ERBB4: variants seen among roughly 807,000 people sequenced by gnomAD.
ERBB4 encodes receptor tyrosine-protein kinase erbB-4.
In ERBB4, 42 loss-of-function variants were observed where a neutral mutation model predicts 158.0. That is an observed-to-expected ratio of 0.27 (90% CI 0.21 to 0.34). ERBB4 has a LOEUF of 0.34. ERBB4 is among the 10% of genes least tolerant of loss of function. ERBB4 has a pLI of 1.00. For synonymous variants in ERBB4, 583 were observed against 558.7 expected, an observed-to-expected ratio of 1.04 and a Z score of -0.61; for missense variants, 1,333 against 1,624.1, an observed-to-expected ratio of 0.82 and a Z score of 3.08.
chr2:212,106,388 G>A (rs186026576), intron 2 of ERBB4, among the ~76,000 whole-genome samples: 5 of 152,296 alleles, frequency 3.3e-5, no homozygotes, highest in Non-Finnish European at 5.9e-5. Context: ...AGAGATTCGT[G>A]GAACTTTGAA....
intron 1 of ERBB4, among the ~76,000 whole-genome samples, chr2:212,288,302 A>G (rs990133628): frequency 6.6e-6 from 1 of 152,136 alleles, no homozygotes; most frequent in African/African-American, 2.4e-5. Flanking sequence ...CAATGGCAAA[A>G]GGAGAATAGG....
In ERBB4 at chr2:212,538,611, C is replaced by A; in HGVS notation, c.-81G>T. 7.0e-7 allele frequency: 1 copy of A among 1,433,446 alleles called. No homozygotes were observed. Among genetic ancestry groups the A allele is most frequent in the South Asian group, 1.1e-5 (1 of 87,278 alleles). 88.8% of individuals were successfully genotyped at this position (1,433,446 alleles called of 1,614,324 possible). On this transcript the variant is annotated 5_prime_UTR_variant, in exon 1 of 28. Coordinates refer to ENST00000342788, the MANE Select transcript of ERBB4 (RefSeq NM_005235.3). ...CCTTTCGGGCACGCGGAGGAGATCC[C>A]CCAGCCGGGCGCGCGTGGGGGTGCG... is the stretch of plus-strand genomic sequence containing the variant.
intron 17 of ERBB4, among the ~76,000 whole-genome samples, chr2:211,630,167 A>G (rs2070049598): frequency 6.6e-6 from 1 of 152,194 alleles, no homozygotes; most frequent in African/African-American, 2.4e-5. Context: ...TGCTATTGAG[A>G]TATCCTCTAT....
chr2:212,421,635 C>A (rs1358402335), intron 1 of ERBB4, among the ~76,000 whole-genome samples: 1 of 152,036 alleles, frequency 6.6e-6, no homozygotes. Context: ...TAGTGTTTTT[C>A]AAAAATGTCT....
intron 15 of ERBB4, among the ~76,000 whole-genome samples, chr2:211,661,694 A>G (rs1182803371): frequency 2.0e-5 from 3 of 152,166 alleles, no homozygotes; most frequent in Non-Finnish European, 4.4e-5. Context: ...CTCTTGATGT[A>G]TAAAAATTAT....
intron 2 of ERBB4, among the ~76,000 whole-genome samples, chr2:211,972,369 C>T (rs541342961): frequency 5.9e-5 from 9 of 152,324 alleles, no homozygotes; most frequent in African/African-American, 2.2e-4. Context: ...TATTCAACTA[C>T]CATTGACATT....
chr2:212,058,237 C>T (rs1260468307), intron 2 of ERBB4, among the ~76,000 whole-genome samples: 2 of 152,226 alleles, frequency 1.3e-5, no homozygotes, highest in South Asian at 2.1e-4. Flanking sequence ...AAGACTAAAC[C>T]AGGAAGAAGT....
intron 4 of ERBB4, among the ~76,000 whole-genome samples, chr2:211,765,209 T>C (rs1487196829): frequency 1.3e-5 from 2 of 152,108 alleles, no homozygotes; most frequent in South Asian, 4.1e-4. Context: ...TTCAAACTCA[T>C]GTAGAAACAC....
chr2:212,177,072 T>C (rs2081689292), intron 1 of ERBB4, among the ~76,000 whole-genome samples: 1 of 151,902 alleles, frequency 6.6e-6, no homozygotes, highest in African/African-American at 2.4e-5. Context: ...CCCATAAGTA[T>C]TGTGATTAAT....
intron 1 of ERBB4, among the ~76,000 whole-genome samples, chr2:212,366,993 G>C (rs1013986352): frequency 1.3e-5 from 2 of 151,880 alleles, no homozygotes; most frequent in Admixed American, 1.3e-4. Flanking sequence ...GGCTTTTCAG[G>C]AAGGTTAAAC....
rs182055702 is a variant in ERBB4 at position 211,950,843 on chromosome 2, C to T, written c.235-3227G>A. Among the ~76,000 whole-genome samples, 368 of 152,162 alleles carry T rather than the reference C, an allele frequency of 2.4e-3. 1 individual carries two copies. The highest frequency in any genetic ancestry group is 8.1e-3 in the African/African-American group (338 of 41,524). On this transcript the variant is annotated intron_variant, in intron 2 of 27. Transcript: ENST00000342788. The stretch of plus-strand genomic sequence containing the variant: ...CAGCAATTTGTTTAAAATTGCACCG[C>T]GTGGAAAAGTCTAGCTCTAGGGCTC...
At chr2:212,428,326 T>C (rs954841357) in intron 1 of ERBB4, among the ~76,000 whole-genome samples, 4 of 152,188 alleles carry the variant, frequency 2.6e-5, no homozygotes, top group African/African-American at 2.4e-5. Context: ...GTAAATATTA[T>C]GTTTTTCTTT....
At chr2:211,783,799 T>G (rs1057250801) in intron 4 of ERBB4, among the ~76,000 whole-genome samples, 3 of 152,226 alleles carry the variant, frequency 2.0e-5, no homozygotes, top group Non-Finnish European at 4.4e-5. Flanking sequence ...TTTGCATCAA[T>G]GTTCACCAGG....
At chr2:211,976,916 G>C (rs2081624859) in intron 2 of ERBB4, among the ~76,000 whole-genome samples, 1 of 152,162 alleles carries the variant, frequency 6.6e-6, no homozygotes, top group South Asian at 2.1e-4. Flanking sequence ...GTTTCTATCT[G>C]TGTGATCTTA....
At chr2:212,209,478 G>A (rs2082866607) in intron 1 of ERBB4, among the ~76,000 whole-genome samples, 1 of 152,042 alleles carries the variant, frequency 6.6e-6, no homozygotes, top group South Asian at 2.1e-4. Flanking sequence ...TCCACAGTGG[G>A]TACATTTTGC....
intron 20 of ERBB4, among the ~76,000 whole-genome samples, chr2:211,485,207 C>CTTTG: frequency 6.6e-6 from 1 of 151,768 alleles, no homozygotes; most frequent in Admixed American, 6.6e-5. Flanking sequence ...CTTAGTTTTA[C>CTTTG]AAATCTTGAT....
At chr2:211,466,760 G>A (rs1192873523) in intron 20 of ERBB4, among the ~76,000 whole-genome samples, 1 of 152,020 alleles carries the variant, frequency 6.6e-6, no homozygotes, top group Non-Finnish European at 1.5e-5. Flanking sequence ...ATCAAATGAG[G>A]ATATTCTTAT....
At chr2:212,071,770 G>T (rs955498681) in intron 2 of ERBB4, among the ~76,000 whole-genome samples, 4 of 151,878 alleles carry the variant, frequency 2.6e-5, no homozygotes, top group Admixed American at 2.0e-4. Context: ...TGTCTACATT[G>T]GCTAAATATT....
At chr2:211,771,062 T>A (rs527941807) in intron 4 of ERBB4, among the ~76,000 whole-genome samples, 1 of 152,180 alleles carries the variant, frequency 6.6e-6, no homozygotes, top group Non-Finnish European at 1.5e-5. Context: ...TTTACCATCA[T>A]AGAAATCTTA....
Sources: gnomAD v4.1 joint callset for allele counts (sites outside exome capture counted in the v4.1 genomes callset) on GRCh38, gnomAD v4.1.1 for gene constraint, MANE v1.5 for transcripts, NCBI Gene and HGNC (gene_info 2026-07-23, HGNC 2026-07-21) for gene names.